The following DOP1A variants were observed in gnomAD, a reference collection of about 807,000 sequenced individuals.
The protein encoded by DOP1A is protein DOP1A.
Under a neutral mutation model 267.6 loss-of-function variants are expected in DOP1A, and 90 were observed. The observed-to-expected ratio is 0.34, with a 90% confidence interval of 0.28 to 0.40. The LOEUF (loss-of-function observed/expected upper bound fraction) is 0.40. Among genes scored for constraint, DOP1A ranks in the 10% least tolerant of loss-of-function variants. DOP1A has a pLI of 1.00. For synonymous variants in DOP1A, 932 were observed against 999.1 expected, an observed-to-expected ratio of 0.93 and a Z score of 1.27; for missense variants, 2,437 against 2,900.4, an observed-to-expected ratio of 0.84 and a Z score of 3.67.
intron 8 of DOP1A, 58 bp from the exon 9 acceptor site, chr6:83,119,690 G>A: frequency 6.8e-7 from 1 of 1,471,912 alleles, no homozygotes; most frequent in Admixed American, 1.7e-5. Flanking sequence ...TTGGTATTTA[G>A]TGAACAACAG....
Position 83,153,980 on chromosome 6 carries a change from A to T in DOP1A, c.6326A>T (p.Lys2109Ile), listed in dbSNP as rs1254859768. 1 of 1,614,066 alleles carries T rather than the reference A, an allele frequency of 6.2e-7. No individual in the cohort carries two copies. Among genetic ancestry groups the T allele is most frequent in the East Asian group, 2.2e-5 (1 of 44,850 alleles). Residue 2109 changes from lysine (K) to isoleucine (I), a missense_variant, in exon 32 of 39, where the codon AAA becomes ATA. Physicochemically the swap from Lys to Ile is moderately radical, Grantham distance 102. This residue lies in a region of DOP1A where 216 missense variants were observed against 283.3 expected (regional missense o/e 0.76). Transcript: ENST00000349129. ...GYQYTRRAWK[K>I]EAFDLFMDPS... ...CAGTACACACGGAGAGCTTGGAAAA[A>T]AGAAGCTTTTGACCTCTTTATGGAT...
chr6:83,126,630 C>T (rs543529414), intron 15 of DOP1A, among the ~76,000 whole-genome samples: 36 of 152,222 alleles, frequency 2.4e-4, no homozygotes, highest in Admixed American at 3.3e-4. Context: ...ACCTGACCTA[C>T]GCTGGGGCTA....
intron 1 of DOP1A, among the ~76,000 whole-genome samples, chr6:83,091,207 G>C (rs1770332597): frequency 6.6e-6 from 1 of 151,848 alleles, no homozygotes; most frequent in African/African-American, 2.4e-5. Flanking sequence ...CTGCCCCCAT[G>C]ATCCAGTTAC....
chr6:83,157,802 TA>T (rs1783147645), intron 35 of DOP1A, among the ~76,000 whole-genome samples: 2 of 152,034 alleles, frequency 1.3e-5, no homozygotes, highest in Non-Finnish European at 1.5e-5. Flanking sequence ...TACCAAACGG[TA>T]AAACCTTCCC....
Position 83,138,763 on chromosome 6 carries a change from A to G in DOP1A, c.4721A>G (p.Asn1574Ser), listed in dbSNP as rs1023249586. 4 of 1,613,958 alleles carry G rather than the reference A, an allele frequency of 2.5e-6. No individual in the cohort carries two copies. The highest frequency in any genetic ancestry group is 2.7e-5 in the African/African-American group (2 of 74,918). The change falls in exon 21 of 39, where the codon AAT becomes AGT. Residue 1574 changes from asparagine (N) to serine (S), a missense_variant. This residue lies in a region of DOP1A where 878 missense variants were observed against 992.9 expected (regional missense o/e 0.88). Coordinates refer to ENST00000349129, the MANE Select transcript of DOP1A (RefSeq NM_015018.4). ...LINFSEDEFD[N>S]GSTLQSQLLK... ...AATTTCTCAGAGGATGAATTTGACAATGGCAGCACGTTGCAGTCACAACTT... is the reference window on the plus strand; with the variant it reads ...AATTTCTCAGAGGATGAATTTGACAGTGGCAGCACGTTGCAGTCACAACTT...
chr6:83,089,881 G>C (rs149242493), intron 1 of DOP1A, among the ~76,000 whole-genome samples: 4 of 152,088 alleles, frequency 2.6e-5, no homozygotes, highest in Admixed American at 2.6e-4. Flanking sequence ...GGTTTTATGG[G>C]TGCACGCACT....
intron 6 of DOP1A, 84 bp from the exon 7 acceptor site, chr6:83,113,239 G>T: frequency 2.1e-6 from 2 of 966,180 alleles, no homozygotes; most frequent in South Asian, 1.6e-5. Context: ...GCATACTTTC[G>T]AGAAAATAAA....
At position 83,153,884 on chromosome 6, in the gene DOP1A, T is replaced by C; in HGVS notation, c.6240-10T>C. On this transcript the variant is annotated splice_polypyrimidine_tract_variant and intron_variant, in intron 31 of 38. Coordinates refer to ENST00000349129, the MANE Select transcript of DOP1A (RefSeq NM_015018.4). ...GACACGTAGGTTAAGGTGGTTTTTCTTCCTTGTAGTGCACATAATGCCCCT... is the reference window on the plus strand; with the variant it reads ...GACACGTAGGTTAAGGTGGTTTTTCCTCCTTGTAGTGCACATAATGCCCCT... 1 of 1,595,088 alleles carries C rather than the reference T, an allele frequency of 6.3e-7. No homozygotes were observed. Among genetic ancestry groups the C allele is most frequent in the Middle Eastern group, 1.7e-4 (1 of 5,930 alleles).
rs748817466 is a variant in DOP1A at position 83,129,376 on chromosome 6, C to CA, written c.2215dup (p.Thr739AsnfsTer3). The CA allele has an allele frequency of 6.2e-7, 1 of 1,610,528 alleles. No individual in the cohort carries two copies. The highest frequency in any genetic ancestry group is 8.5e-7 in the Non-Finnish European group (1 of 1,178,968). On this transcript the variant is annotated frameshift_variant, in exon 16 of 39. Transcript: ENST00000349129. LOFTEE classifies it high-confidence loss of function. ...TGTAAAAGAGAAAAACATAAGTAAA[C>CA]AAAAAACTTCTAAAGAATACCTGTC...
At chr6:83,153,757 T>C (rs2128347126) in intron 31 of DOP1A, 137 bp downstream of exon 31, 4 of 1,167,384 alleles carry the variant, frequency 3.4e-6, no homozygotes, top group Non-Finnish European at 4.7e-6. Flanking sequence ...AAAAAATTCA[T>C]ATATTATTTT....
In DOP1A at chr6:83,119,754, A is replaced by G. The variant is rs1351380263; in HGVS notation, c.887A>G (p.Asp296Gly). The G allele has an allele frequency of 6.2e-7, 1 of 1,610,496 alleles. No individual in the cohort carries two copies. Among genetic ancestry groups the G allele is most frequent in the Non-Finnish European group, 8.5e-7 (1 of 1,178,432 alleles). ...GTGATTTGTTTCCATGGAGGTTTTG[A>G]TAACAACGGTGCTATCATAGGACCC... is the stretch of plus-strand genomic sequence containing the variant. Reference protein sequence around the residue: ...RRLYAWLLGFDNNGAIIGPRS... With the variant: ...RRLYAWLLGFGNNGAIIGPRS... The change falls in exon 9 of 39, where the codon GAT becomes GGT. Residue 296 changes from aspartate (D) to glycine (G), a missense_variant. Around this residue, in one of 9 missense-constraint regions of DOP1A, gnomAD observed 251 missense variants for 359.1 expected, o/e 0.70. Transcript: ENST00000349129.
chr6:83,162,980 T>A, intron 38 of DOP1A, 61 bp downstream of exon 38: 1 of 1,513,506 alleles, frequency 6.6e-7, no homozygotes, highest in Non-Finnish European at 8.9e-7. Flanking sequence ...TAGTGAGGTA[T>A]TTATTAAATA....
At chr6:83,164,718 A>C in intron 38 of DOP1A, 1 of 1,589,784 alleles carries the variant, frequency 6.3e-7, no homozygotes, top group Non-Finnish European at 8.6e-7. Context: ...GCCAAGCATC[A>C]GGTGAGGGTG....
intron 1 of DOP1A, among the ~76,000 whole-genome samples, chr6:83,075,486 A>G (rs1384598720): frequency 6.6e-6 from 1 of 152,232 alleles, no homozygotes; most frequent in African/African-American, 2.4e-5. Context: ...CCCAAAAGGG[A>G]TAAAATCTGA....
chr6:83,168,151 G>A lies in DOP1A; in HGVS notation c.7382G>A (p.Gly2461Glu). The change falls in exon 39 of 39, where the codon GGG becomes GAG. Residue 2461 changes from glycine to glutamate, a missense_variant. Around this residue, in one of 9 missense-constraint regions of DOP1A, gnomAD observed 197 missense variants for 246.5 expected, o/e 0.80. Coordinates refer to ENST00000349129, the MANE Select transcript of DOP1A (RefSeq NM_015018.4). ...EEMVEKDFLE[G>E]MIKT ...ATGGTAGAAAAAGATTTTCTGGAAGGGATGATAAAAACTTGAGCACCATTG... is the reference window on the plus strand; with the variant it reads ...ATGGTAGAAAAAGATTTTCTGGAAGAGATGATAAAAACTTGAGCACCATTG... The A allele has an allele frequency of 6.2e-7, 1 of 1,611,978 alleles. No homozygotes were observed. The highest frequency in any genetic ancestry group is 1.1e-5 in the South Asian group (1 of 90,748).
In DOP1A at chr6:83,140,285, A is replaced by G. The variant is rs778329878; in HGVS notation, c.5297A>G (p.His1766Arg). The change falls in exon 23 of 39, where the codon CAT becomes CGT. Residue 1766 changes from histidine (H) to arginine (R), a missense_variant. By Grantham distance (29) the His-to-Arg change is conservative (BLOSUM62 0). Around this residue, in one of 9 missense-constraint regions of DOP1A, gnomAD observed 307 missense variants for 308.6 expected, o/e 0.99. Transcript: ENST00000349129. ...EARSGILSIL[H>R]MIMSSVTLLW... is the part of the protein sequence containing the mutation. ...CGCAGTGGAATCCTCTCAATCCTTC[A>G]TATGATCATGTCCTCTGTGACACTG... 6.2e-7 allele frequency: 1 copy of G among 1,613,736 alleles called. No homozygotes were observed. Among genetic ancestry groups the G allele is most frequent in the Non-Finnish European group, 8.5e-7 (1 of 1,179,924 alleles).
At chr6:83,158,716 C>G in intron 36 of DOP1A, 94 bp downstream of exon 36, 2 of 828,364 alleles carry the variant, frequency 2.4e-6, no homozygotes, top group Non-Finnish European at 3.8e-6. Context: ...TAGTCTTTTT[C>G]TGAATACTTA....
intron 23 of DOP1A, among the ~76,000 whole-genome samples, chr6:83,141,229 A>G (rs1374374001): frequency 6.6e-6 from 1 of 152,232 alleles, no homozygotes; most frequent in African/African-American, 2.4e-5. Flanking sequence ...TTGAACAAAT[A>G]CCATATTTTC....
intron 33 of DOP1A, among the ~76,000 whole-genome samples, chr6:83,155,021 T>C (rs189874418): frequency 6.6e-6 from 1 of 152,278 alleles, no homozygotes; most frequent in African/African-American, 2.4e-5. Context: ...GCGCTAACCT[T>C]AATCAAATTT....
Sources: allele counts gnomAD v4.1 joint callset (sites outside exome capture counted in the v4.1 genomes callset), GRCh38; gene constraint gnomAD v4.1.1; regional missense constraint gnomAD v4.1.1; transcripts MANE v1.5; gene names NCBI Gene and HGNC (gene_info 2026-07-23, HGNC 2026-07-21).